Variants in NELL1 observed in about 807,000 individuals in gnomAD.
The protein encoded by NELL1 is protein kinase C-binding protein NELL1.
In NELL1, 76 loss-of-function variants were observed where a neutral mutation model predicts 107.4. That is an observed-to-expected ratio of 0.71 (90% CI 0.59 to 0.86). The LOEUF is 0.86. Ranked by LOEUF, NELL1 falls within the 40% of genes least tolerant of loss-of-function variation. The pLI is 0.00. For missense variants in NELL1, 1,024 were observed against 1,005.5 expected, an observed-to-expected ratio of 1.02 and a Z score of -0.25; for synonymous variants, 353 against 341.2, an observed-to-expected ratio of 1.03 and a Z score of -0.38.
chr11:20,850,745 A>C (rs910570581), intron 4 of NELL1, among the ~76,000 whole-genome samples: 1 of 152,134 alleles, frequency 6.6e-6, no homozygotes, highest in African/African-American at 2.4e-5. Flanking sequence ...GCTGCTTGGA[A>C]AGATGTGAAA....
At chr11:21,451,214 GAAAAAA>G (rs1249251842) in intron 15 of NELL1, among the ~76,000 whole-genome samples, 5 of 146,108 alleles carry the variant, frequency 3.4e-5, no homozygotes, top group East Asian at 4.0e-4. Context: ...AAAAAAAAAA[GAAAAAA>G]GAAAAAGAAA....
At chr11:21,443,539 CTTTTA>C in intron 15 of NELL1, among the ~76,000 whole-genome samples, 1 of 129,686 alleles carries the variant, frequency 7.7e-6, no homozygotes, top group East Asian at 2.5e-4. Context: ...TTTGTCTTTG[CTTTTA>C]TTTTTTTTTC....
chr11:21,163,767 T>C (rs1403795094), intron 13 of NELL1, among the ~76,000 whole-genome samples: 1 of 152,156 alleles, frequency 6.6e-6, no homozygotes, highest in Non-Finnish European at 1.5e-5. Context: ...GGTGTCTCTT[T>C]CTCTTCTTAT....
At chr11:21,265,761 C>A (rs1216494387) in intron 14 of NELL1, among the ~76,000 whole-genome samples, 1 of 151,880 alleles carries the variant, frequency 6.6e-6, no homozygotes, top group Non-Finnish European at 1.5e-5. Flanking sequence ...TCTCTCTTTT[C>A]TGAAGTTCAT....
In NELL1 at chr11:20,773,257, C is replaced by A. The variant is rs528748550; in HGVS notation, c.185-10423C>A. On this transcript the variant is annotated intron_variant, in intron 2 of 19. Coordinates refer to ENST00000357134, the MANE Select transcript of NELL1 (RefSeq NM_006157.5). ...CTGCTGCCATAGCTTGGTACCCCAC[C>A]CATCCTACAGGACCCAGGGCCTGTC... 2.0e-4 allele frequency among the ~76,000 whole-genome samples: 30 copies of A among 152,240 alleles called. No individual in the cohort carries two copies. In the South Asian group the frequency reaches 5.4e-3, roughly 27 times the overall value.
intron 12 of NELL1, among the ~76,000 whole-genome samples, chr11:21,081,866 T>A (rs1161836773): frequency 6.6e-6 from 1 of 152,160 alleles, no homozygotes; most frequent in African/African-American, 2.4e-5. Context: ...GTTATCTCAT[T>A]TATTTTTCAA....
chr11:21,233,357 T>C (rs1196217501), intron 14 of NELL1, among the ~76,000 whole-genome samples: 1 of 152,200 alleles, frequency 6.6e-6, no homozygotes, highest in Non-Finnish European at 1.5e-5. Flanking sequence ...TTAACTCAAC[T>C]AGTGGAACTG....
intron 12 of NELL1, among the ~76,000 whole-genome samples, chr11:21,056,786 T>C (rs1354262102): frequency 1.3e-5 from 2 of 152,084 alleles, no homozygotes; most frequent in Non-Finnish European, 2.9e-5. Flanking sequence ...AAGTACTGAA[T>C]TTTAGAACAT....
intron 13 of NELL1, among the ~76,000 whole-genome samples, chr11:21,183,638 G>A (rs1856873704): frequency 6.6e-6 from 1 of 151,826 alleles, no homozygotes; most frequent in South Asian, 2.1e-4. Context: ...TAAAACGCAG[G>A]TTGAGATTTT....
chr11:20,896,048 T>G (rs1849730594), intron 5 of NELL1, among the ~76,000 whole-genome samples: 1 of 152,152 alleles, frequency 6.6e-6, no homozygotes, highest in Admixed American at 6.5e-5. Context: ...GATAAATTCT[T>G]TAGTGGTGAT....
chr11:20,678,381 A>G (rs2133851231), intron 2 of NELL1, among the ~76,000 whole-genome samples: 1 of 152,314 alleles, frequency 6.6e-6, no homozygotes, highest in East Asian at 1.9e-4. Flanking sequence ...AGCTGTTATC[A>G]ATATCTTTGC....
rs1465781777 is a variant in NELL1, at chr11:21,402,515, G to C, written c.1645+31567G>C. On this transcript the variant is annotated intron_variant, in intron 15 of 19. Coordinates refer to ENST00000357134, the MANE Select transcript of NELL1 (RefSeq NM_006157.5). ...GAGTAGCCAGATGTTTTTATAAAATGGCCATTCATCATCACTCCATAACCA... is the reference window on the plus strand; with the variant it reads ...GAGTAGCCAGATGTTTTTATAAAATCGCCATTCATCATCACTCCATAACCA... Among the ~76,000 whole-genome samples the C allele has an allele frequency of 2.6e-5, 4 of 151,832 alleles. No homozygotes were observed. In the South Asian group the frequency reaches 8.3e-4, roughly 31 times the overall value.
chr11:21,324,736 C>T lies in NELL1; in HGVS notation c.1550-46117C>T, dbSNP rs561639596. Among the ~76,000 whole-genome samples, 21 of 152,076 alleles carry T rather than the reference C, an allele frequency of 1.4e-4. No homozygotes were observed. The South Asian group carries it at 4.1e-3, about 30-fold the overall frequency. On this transcript the variant is annotated intron_variant, in intron 14 of 19. Coordinates refer to ENST00000357134, the MANE Select transcript of NELL1 (RefSeq NM_006157.5). ...AAGGTGCTAGAGAACAGAGATCACT[C>T]AAAATATGATTGTTCTCTCTTCATT...
intron 14 of NELL1, among the ~76,000 whole-genome samples, chr11:21,322,071 G>A (rs1363978444): frequency 6.6e-6 from 1 of 152,170 alleles, no homozygotes; most frequent in East Asian, 1.9e-4. Context: ...TGTGGGCCAG[G>A]ATGATCCCAT....
At position 20,978,758 on chromosome 11, in the gene NELL1, T is replaced by A. The variant is rs564882897; in HGVS notation, c.1300+18198T>A. 3.1e-4 allele frequency among the ~76,000 whole-genome samples: 47 copies of A among 152,328 alleles called. No individual in the cohort carries two copies. The South Asian group carries it at 8.1e-3, about 26-fold the overall frequency. On this transcript the variant is annotated intron_variant, in intron 12 of 19. Coordinates refer to ENST00000357134, the MANE Select transcript of NELL1 (RefSeq NM_006157.5). ...AGCAACCTTCGGATTCTCATCCCCTTCCTTCTCCCTTCAAGATGCAGGAGT... is the reference window on the plus strand; with the variant it reads ...AGCAACCTTCGGATTCTCATCCCCTACCTTCTCCCTTCAAGATGCAGGAGT...
At position 21,425,619 on chromosome 11, in the gene NELL1, A is replaced by G. The variant is rs563466935; in HGVS notation, c.1645+54671A>G. 2.6e-4 allele frequency among the ~76,000 whole-genome samples: 39 copies of G among 152,326 alleles called. 1 individual carries two copies. In the South Asian group the frequency reaches 8.1e-3, roughly 32 times the overall value. On this transcript the variant is annotated intron_variant, in intron 15 of 19. Coordinates refer to ENST00000357134, the MANE Select transcript of NELL1 (RefSeq NM_006157.5). ...GCAGGCTTTCAAAGCTGGAAAAAGC[A>G]AGGAAACCAATTGTGCTATAGAGCC... is the stretch of plus-strand genomic sequence containing the variant.
At chr11:20,967,857 G>C (rs1036494554) in intron 12 of NELL1, among the ~76,000 whole-genome samples, 1 of 152,132 alleles carries the variant, frequency 6.6e-6, no homozygotes, top group Non-Finnish European at 1.5e-5. Flanking sequence ...ATTTGGTCCT[G>C]TGTCAGGCCC....
Position 21,113,591 on chromosome 11 carries a change from A to G in NELL1, c.1303A>G (p.Ile435Val), listed in dbSNP as rs770991441. Reference protein sequence around the residue: ...VQGDSAYCEDIDECAAKMHYC... With the variant: ...VQGDSAYCEDVDECAAKMHYC... ...CTTACTTATTTTTTTTCCTTCAGATATTGATGAGTGTGCAGCTAAGATGCA... is the reference window on the plus strand; with the variant it reads ...CTTACTTATTTTTTTTCCTTCAGATGTTGATGAGTGTGCAGCTAAGATGCA... Residue 435 changes from isoleucine (I) to valine (V), a missense_variant and splice_region_variant, in exon 13 of 20, where the codon ATT becomes GTT. By Grantham distance (29) the Ile-to-Val change is conservative. Transcript: ENST00000357134. 5.6e-6 allele frequency: 9 copies of G among 1,609,922 alleles called. No homozygotes were observed. The highest frequency in any genetic ancestry group is 1.1e-5 in the South Asian group (1 of 90,362).
chr11:21,374,616 G>A (rs563003507), intron 15 of NELL1, among the ~76,000 whole-genome samples: 15 of 152,082 alleles, frequency 9.9e-5, no homozygotes, highest in Non-Finnish European at 2.9e-5. Flanking sequence ...TTAAAAAAAC[G>A]ATTGTCAAAG....
Sources: gnomAD v4.1 joint callset for allele counts (sites outside exome capture counted in the v4.1 genomes callset) on GRCh38, gnomAD v4.1.1 for gene constraint, MANE v1.5 for transcripts, NCBI Gene and HGNC (gene_info 2026-07-23, HGNC 2026-07-21) for gene names.